Variants in RABL6 observed in about 807,000 individuals in gnomAD.
RABL6 encodes RAB, member RAS oncogene family like 6.
A neutral mutation model predicts 72.9 loss-of-function variants in RABL6; 28 were observed. The ratio of observed to expected loss-of-function variants is 0.38; its 90% CI spans 0.28 to 0.53. RABL6 has a LOEUF of 0.53. Ranked by LOEUF, RABL6 falls within the 20% of genes least tolerant of loss-of-function variation. RABL6 has a pLI of 0.80. For synonymous variants in RABL6, 477 were observed against 421.2 expected (o/e 1.13, Z -1.62); for missense variants, 1,029 against 1,008.4 (o/e 1.02, Z -0.28).
intron 1 of RABL6, among the ~76,000 whole-genome samples, chr9:136,810,994 A>C (rs1274911431): frequency 6.6e-6 from 1 of 152,112 alleles, no homozygotes; most frequent in Non-Finnish European, 1.5e-5. Flanking sequence ...ATTTGCTCGG[A>C]GTTGCTAGTG....
intron 2 of RABL6, among the ~76,000 whole-genome samples, chr9:136,824,362 TCA>T (rs1848307578): frequency 8.0e-6 from 1 of 125,662 alleles, no homozygotes; most frequent in East Asian, 2.7e-4. Context: ...AGACAGAGTC[TCA>T]CTGTCGCCCA....
At chr9:136,821,091 G>T (rs1848226632) in intron 1 of RABL6, among the ~76,000 whole-genome samples, 1 of 152,248 alleles carries the variant, frequency 6.6e-6, no homozygotes, top group Admixed American at 6.5e-5. Flanking sequence ...ATGAGGGCTG[G>T]TTTCCGGCAG....
At chr9:136,831,940 A>G (rs1044158553) in intron 6 of RABL6, 79 bp downstream of exon 6, 1 of 1,501,742 alleles carries the variant, frequency 6.7e-7, no homozygotes, top group African/African-American at 1.4e-5. Flanking sequence ...GCAGAGGCCC[A>G]GGGAGGGGTT....
chr9:136,840,967 G>A lies in RABL6; in HGVS notation c.*445G>A, dbSNP rs781558964. ...GGTTCCGCTTCCGGCCGGGAGCCCT[G>A]AACACGGGTGTGCAGACTCACCCTA... On this transcript the variant is annotated 3_prime_UTR_variant, in exon 15 of 15. Coordinates refer to ENST00000311502, the MANE Select transcript of RABL6 (RefSeq NM_024718.5). 31 of 1,455,524 alleles carry A rather than the reference G, an allele frequency of 2.1e-5. No homozygotes were observed. Among genetic ancestry groups the A allele is most frequent in the Non-Finnish European group, 2.7e-5 (30 of 1,100,464 alleles). 90.2% of individuals were successfully genotyped at this position (1,455,524 alleles called of 1,614,324 possible).
At chr9:136,838,753 G>GACA (rs151177593) in intron 10 of RABL6, among the ~76,000 whole-genome samples, 156 bp from the exon 11 acceptor site, 2 of 3,294 alleles carry the variant, frequency 6.1e-4, no homozygotes, top group Non-Finnish European at 1.0e-3. Flanking sequence ...GAAGCCCTGT[G>GACA]ACCATGAGGG....
rs1344552308 is a variant in RABL6 at position 136,808,193 on chromosome 9, G to A, written c.-4G>A. ...CGCCCGGGCTGGGACGTCCGAGCGGGAAGATGTTTTCCGCCCTGAAGAAGC... is the reference window on the plus strand; with the variant it reads ...CGCCCGGGCTGGGACGTCCGAGCGGAAAGATGTTTTCCGCCCTGAAGAAGC... On this transcript the variant is annotated 5_prime_UTR_variant, in exon 1 of 15. Transcript: ENST00000311502. 5.2e-6 allele frequency: 8 copies of A among 1,525,444 alleles called. No individual in the cohort carries two copies. The highest frequency in any genetic ancestry group is 3.7e-5 in the South Asian group (3 of 82,100). 94.5% of individuals were successfully genotyped at this position (1,525,444 alleles called of 1,614,324 possible).
At chr9:136,833,833 C>A in intron 7 of RABL6, 1 of 1,550,520 alleles carries the variant, frequency 6.4e-7, no homozygotes, top group Non-Finnish European at 8.7e-7. Context: ...GGAAGGAAGG[C>A]GGCAGTCAGA....
At chr9:136,827,768 C>G (rs946466318) in intron 3 of RABL6, 2 of 152,286 alleles carry the variant, frequency 1.3e-5, no homozygotes, top group African/African-American at 2.4e-5. Flanking sequence ...CACATGAGCC[C>G]CATCTGTTCT....
At chr9:136,810,413 G>C (rs777471859) in intron 1 of RABL6, among the ~76,000 whole-genome samples, 4 of 152,174 alleles carry the variant, frequency 2.6e-5, no homozygotes, top group Admixed American at 1.3e-4. Context: ...GTGAGACAGA[G>C]AGAAATTTGA....
At chr9:136,837,224 G>T (rs1391670515) in intron 8 of RABL6, 122 bp from the exon 9 acceptor site, 1 of 1,130,716 alleles carries the variant, frequency 8.8e-7, no homozygotes, top group Admixed American at 2.0e-5. Context: ...CTGTGGGGCG[G>T]GTGGCCCAGA....
At chr9:136,823,698 G>A (rs1423781055) in intron 2 of RABL6, 39 bp downstream of exon 2, 44 of 1,562,370 alleles carry the variant, frequency 2.8e-5, no homozygotes, top group Non-Finnish European at 3.8e-5. Flanking sequence ...CGGGCTCCAG[G>A]CTTCTCCTCC....
At chr9:136,831,306 C>G (rs780176157) in intron 5 of RABL6, among the ~76,000 whole-genome samples, 6 of 152,168 alleles carry the variant, frequency 3.9e-5, no homozygotes, top group African/African-American at 1.4e-4. Context: ...AGGGTGTCCT[C>G]GGCTGCCCCG....
At chr9:136,810,452 A>T (rs1482753092) in intron 1 of RABL6, among the ~76,000 whole-genome samples, 1 of 152,248 alleles carries the variant, frequency 6.6e-6, no homozygotes, top group Admixed American at 6.5e-5. Flanking sequence ...TTTTAGAAAG[A>T]TGTTATCTTT....
chr9:136,813,383 G>A, intron 1 of RABL6: 1 of 958,462 alleles, frequency 1.0e-6, no homozygotes, highest in East Asian at 2.6e-5. Flanking sequence ...TTGCACTGTA[G>A]GAGAGGTTGC....
At position 136,831,763 on chromosome 9, in the gene RABL6, C is replaced by T. The variant is rs1848478945; in HGVS notation, c.501C>T (p.Thr167=). 4.3e-6 allele frequency: 7 copies of T among 1,613,374 alleles called. No homozygotes were observed. Among genetic ancestry groups the T allele is most frequent in the Admixed American group, 1.7e-5 (1 of 59,988 alleles). ...YILRELPKVP[T]HVPVCVLGNY... ...TCCGGGAGCTTCCAAAAGTGCCCAC[C>T]CACGTGCCAGTGTGCGTGCTGGGAA... Residue 167 remains threonine, a synonymous_variant, in exon 6 of 15, where the codon ACC becomes ACT. Coordinates refer to ENST00000311502, the MANE Select transcript of RABL6 (RefSeq NM_024718.5).
chr9:136,816,908 CTCTT>C (rs1477368762), intron 1 of RABL6, among the ~76,000 whole-genome samples: 1 of 152,014 alleles, frequency 6.6e-6, no homozygotes, highest in African/African-American at 2.4e-5. Context: ...GAAAATAAGA[CTCTT>C]CATTCTCAAA....
intron 7 of RABL6, among the ~76,000 whole-genome samples, chr9:136,834,929 TAAAA>T (rs71385775): frequency 6.7e-5 from 5 of 74,404 alleles, no homozygotes; most frequent in Admixed American, 1.5e-4. Flanking sequence ...GACCCTGTTC[TAAAA>T]AAAAAAAAAA....
intron 1 of RABL6, chr9:136,821,186 C>A: frequency 2.5e-6 from 1 of 393,108 alleles, no homozygotes; most frequent in Non-Finnish European, 3.5e-6. Flanking sequence ...GCCATTTTTA[C>A]AAAATGAAGG....
intron 14 of RABL6, 39 bp downstream of exon 14, chr9:136,840,251 T>C: frequency 6.2e-7 from 1 of 1,612,380 alleles, no homozygotes; most frequent in Non-Finnish European, 8.5e-7. Context: ...CAGGACTGGG[T>C]GGCATGCGGT....
Sources: gnomAD v4.1 joint callset for allele counts (sites outside exome capture counted in the v4.1 genomes callset) on GRCh38, gnomAD v4.1.1 for gene constraint, MANE v1.5 for transcripts, NCBI Gene and HGNC (gene_info 2026-07-23, HGNC 2026-07-21) for gene names.